The following HIRA variants were observed in gnomAD, a reference collection of about 807,000 sequenced individuals.
HIRA encodes the protein histone cell cycle regulator, also known as protein HIRA.
HIRA carries 13 observed loss-of-function variants against 126.6 expected under a neutral mutation model. The observed-to-expected ratio is 0.10, with a 90% confidence interval of 0.07 to 0.16. HIRA has a LOEUF of 0.16. Among genes scored for constraint, HIRA ranks in the 10% least tolerant of loss-of-function variants. The pLI is 1.00. For synonymous variants in HIRA, 511 were observed against 520.0 expected, an observed-to-expected ratio of 0.98 and a Z score of 0.24; for missense variants, 834 against 1,314.4, an observed-to-expected ratio of 0.63 and a Z score of 5.65.
At chr22:19,367,061 C>A (rs909677319) in intron 15 of HIRA, among the ~76,000 whole-genome samples, 1 of 152,166 alleles carries the variant, frequency 6.6e-6, no homozygotes, top group Non-Finnish European at 1.5e-5. Flanking sequence ...CTGCACCTGG[C>A]CTTTATTGGC....
In HIRA at chr22:19,383,622, AG is replaced by A; in HGVS notation, c.1412del (p.Thr471MetfsTer69). 1 of 1,611,748 alleles carries A rather than the reference AG, an allele frequency of 6.2e-7. No individual in the cohort carries two copies. The highest frequency in any genetic ancestry group is 8.5e-7 in the Non-Finnish European group (1 of 1,177,864). On this transcript the variant is annotated frameshift_variant, in exon 13 of 25. Transcript: ENST00000263208. LOFTEE classifies it high-confidence loss of function. Reference sequence around the variant, plus strand: ...ATGAAAGGGGAATGAACCAGTACCCAGTGTCCAGCTGTGCTATGCAGAGAGG... The same window carrying A: ...ATGAAAGGGGAATGAACCAGTACCCATGTCCAGCTGTGCTATGCAGAGAGG... ...ITPLCIAQLD[T>X]GDFSTAFFNS...
At position 19,407,290 on chromosome 22, in the gene HIRA, A is replaced by G. The variant is rs770197905; in HGVS notation, c.212-16T>C. ...TTCACACATGCTGGGAAGAAAAAAA[A>G]ATAAGGTGATGAAAATCCAGTAGTC... On this transcript the variant is annotated splice_polypyrimidine_tract_variant and intron_variant, in intron 3 of 24. Coordinates refer to ENST00000263208, the MANE Select transcript of HIRA (RefSeq NM_003325.4). 1.9e-5 allele frequency: 30 copies of G among 1,604,398 alleles called. No homozygotes were observed. The highest frequency in any genetic ancestry group is 2.2e-5 in the Non-Finnish European group (26 of 1,171,700).
At chr22:19,342,045 C>T (rs2088634854) in intron 24 of HIRA, among the ~76,000 whole-genome samples, 1 of 152,154 alleles carries the variant, frequency 6.6e-6, no homozygotes, top group Non-Finnish European at 1.5e-5. Flanking sequence ...TATTTGCAAA[C>T]TATGCATCTG....
intron 8 of HIRA, among the ~76,000 whole-genome samples, chr22:19,393,655 C>T (rs936506388): frequency 3.9e-5 from 6 of 152,222 alleles, no homozygotes; most frequent in African/African-American, 1.2e-4. Context: ...CGTGTCCGGC[C>T]GATACTTATT....
At chr22:19,376,965 C>T (rs892936293) in intron 14 of HIRA, among the ~76,000 whole-genome samples, 2 of 152,226 alleles carry the variant, frequency 1.3e-5, no homozygotes, top group African/African-American at 2.4e-5. Flanking sequence ...AAGCCTTCTA[C>T]GTCTCCACTC....
Position 19,331,559 on chromosome 22 carries a change from G to A in HIRA, c.2938-3C>T. On this transcript the variant is annotated splice_region_variant and splice_polypyrimidine_tract_variant and intron_variant, in intron 24 of 24. Coordinates refer to ENST00000263208, the MANE Select transcript of HIRA (RefSeq NM_003325.4). ...AGCAGCTCCCTCTTCCGCAGACCCT[G>A]TGGACACAGAGTGACAGCTGAGTGC... is the stretch of plus-strand genomic sequence containing the variant. 1.3e-6 allele frequency: 2 copies of A among 1,589,880 alleles called. No individual in the cohort carries two copies. The highest frequency in any genetic ancestry group is 1.1e-5 in the South Asian group (1 of 87,560).
chr22:19,361,578 C>A, intron 16 of HIRA, 149 bp downstream of exon 16: 1 of 827,426 alleles, frequency 1.2e-6, no homozygotes, highest in Admixed American at 2.1e-5. Flanking sequence ...AGAGCGTGGC[C>A]TCCATGCTAC....
intron 24 of HIRA, among the ~76,000 whole-genome samples, chr22:19,334,015 C>T (rs2088528125): frequency 6.6e-6 from 1 of 151,856 alleles, no homozygotes; most frequent in African/African-American, 2.4e-5. Context: ...CGATCTGTCG[C>T]CCAGGCTGGA....
chr22:19,376,820 A>C (rs2089023216), intron 14 of HIRA, among the ~76,000 whole-genome samples: 1 of 152,234 alleles, frequency 6.6e-6, no homozygotes, highest in Admixed American at 6.5e-5. Flanking sequence ...TCCCAGAAGC[A>C]GGGGGCTGCA....
rs762128889 is a variant in HIRA at position 19,377,937 on chromosome 22, C to T, written c.1545G>A (p.Ser515=). ...DSSTPNSFGA[S]KPCTEPVVAA... Reference sequence around the variant, plus strand: ...CCACCACAGGCTCTGTGCAAGGCTTCGAGGCGCCGAAGGAGTTAGGGGTAC... The same window carrying T: ...CCACCACAGGCTCTGTGCAAGGCTTTGAGGCGCCGAAGGAGTTAGGGGTAC... The change falls in exon 14 of 25, where the codon TCG becomes TCA. Residue 515 remains serine (S), a synonymous_variant. Coordinates refer to ENST00000263208, the MANE Select transcript of HIRA (RefSeq NM_003325.4). The T allele has an allele frequency of 1.1e-5, 18 of 1,613,750 alleles. 1 individual carries two copies. The highest frequency in any genetic ancestry group is 1.1e-4 in the South Asian group (10 of 91,044).
intron 19 of HIRA, among the ~76,000 whole-genome samples, chr22:19,356,535 G>A (rs2088813869): frequency 6.6e-6 from 1 of 152,202 alleles, no homozygotes; most frequent in Non-Finnish European, 1.5e-5. Flanking sequence ...CACCACTTTG[G>A]GGGAAGCCAG....
In HIRA at chr22:19,361,242, G is replaced by T. The variant is rs1384849213; in HGVS notation, c.2080C>A (p.Leu694Ile). 3 of 1,613,712 alleles carry T rather than the reference G, an allele frequency of 1.9e-6. No homozygotes were observed. The East Asian group carries it at 6.7e-5, about 36-fold the overall frequency. The change falls in exon 17 of 25, where the codon CTC becomes ATC. Residue 694 changes from leucine (L) to isoleucine (I), a missense_variant. Around this residue, in one of 5 missense-constraint regions of HIRA, gnomAD observed 468 missense variants for 574.2 expected, o/e 0.82. Coordinates refer to ENST00000263208, the MANE Select transcript of HIRA (RefSeq NM_003325.4). ...PIPSPQRAFT[L>I]QVSSDPSMYI... The stretch of plus-strand genomic sequence containing the variant: ...GGCAGGGTCCTAGAACTTACCTGGA[G>T]GGTGAATGCTCTCTGGGGGCTTGGA...
chr22:19,384,566 C>T (rs2089107457), intron 12 of HIRA, among the ~76,000 whole-genome samples: 1 of 151,986 alleles, frequency 6.6e-6, no homozygotes, highest in Non-Finnish European at 1.5e-5. Context: ...GGCCGCCTCG[C>T]ACAACAGCCA....
rs142637310 is a variant in HIRA, at chr22:19,386,687, G to A, written c.1114-951C>T. On this transcript the variant is annotated intron_variant, in intron 11 of 24. Transcript: ENST00000263208. ...TTCCCTAGTGTTCCTCCAACATGGA[G>A]TCCCAGCCTGACTTGGGAAATGGTA... 2.1e-3 allele frequency among the ~76,000 whole-genome samples: 316 copies of A among 152,322 alleles called. 1 individual carries two copies. Among genetic ancestry groups the A allele is most frequent in the Non-Finnish European group, 3.9e-3 (266 of 68,016 alleles).
At chr22:19,420,242 GCT>G (rs1304008614) in intron 1 of HIRA, among the ~76,000 whole-genome samples, 1 of 152,056 alleles carries the variant, frequency 6.6e-6, no homozygotes, top group Non-Finnish European at 1.5e-5. Flanking sequence ...CAGATCACTT[GCT>G]CTGAGGAATT....
intron 8 of HIRA, among the ~76,000 whole-genome samples, chr22:19,393,503 G>C (rs1601841325): frequency 2.0e-5 from 3 of 151,972 alleles, no homozygotes; most frequent in Admixed American, 6.5e-5. Context: ...GATTACAGGC[G>C]CATGACACCA....
intron 5 of HIRA, chr22:19,405,542 G>T (rs1036565910): frequency 1.0e-6 from 1 of 983,212 alleles, no homozygotes; most frequent in Non-Finnish European, 1.2e-6. Context: ...CTACATTAAA[G>T]ATATAAACAT....
chr22:19,396,885 C>A lies in HIRA; in HGVS notation c.556G>T (p.Gly186Cys). 6.2e-7 allele frequency: 1 copy of A among 1,614,170 alleles called. No homozygotes were observed. Among genetic ancestry groups the A allele is most frequent in the East Asian group, 2.2e-5 (1 of 44,882 alleles). Residue 186 changes from glycine (G) to cysteine (C), a missense_variant, in exon 7 of 25, where the codon GGT becomes TGT. Transcript: ENST00000263208. The stretch of plus-strand genomic sequence containing the variant: ...TCAGCTTGAGAAGCTATGTATTTAC[C>A]AACAGGGTCCCATGTCAACCCTTTG... The part of the protein sequence containing the change: ...LVKGLTWDPV[G>C]KYIASQADDR...
intron 1 of HIRA, among the ~76,000 whole-genome samples, chr22:19,426,239 G>A (rs1317358055): frequency 6.6e-6 from 1 of 152,082 alleles, no homozygotes; most frequent in Non-Finnish European, 1.5e-5. Context: ...CACAGGTTGG[G>A]TGTTTCATCC....
Sources: allele counts gnomAD v4.1 joint callset (sites outside exome capture counted in the v4.1 genomes callset), GRCh38; gene constraint gnomAD v4.1.1; regional missense constraint gnomAD v4.1.1; transcripts MANE v1.5; gene names NCBI Gene and HGNC (gene_info 2026-07-23, HGNC 2026-07-21).